The following MCF2 variants were observed in gnomAD, a reference collection of about 807,000 sequenced individuals.
The protein encoded by MCF2 is proto-oncogene DBL.
A neutral mutation model predicts 82.5 loss-of-function variants in MCF2; 44 were observed. That is an observed-to-expected ratio of 0.53 (90% CI 0.42 to 0.69). MCF2 has a LOEUF of 0.69. Among genes scored for constraint, MCF2 ranks in the 30% least tolerant of loss-of-function variants. The pLI, the probability that MCF2 is intolerant of heterozygous loss-of-function variation, is 0.00. For missense variants in MCF2, 623 were observed against 663.1 expected (o/e 0.94, Z 0.66); for synonymous variants, 217 against 224.9 (o/e 0.96, Z 0.32).
chrX:139,614,288 G>C (rs1931723911), intron 10 of MCF2, among the ~76,000 whole-genome samples: 1 of 111,555 alleles, frequency 9.0e-6, no homozygotes, highest in African/African-American at 3.2e-5. Context: ...CTCTGTAATA[G>C]TAAATTACCA....
At chrX:139,679,180 C>A (rs763726341) in intron 1 of MCF2, among the ~76,000 whole-genome samples, 1 of 112,324 alleles carries the variant, frequency 8.9e-6, no homozygotes, top group Non-Finnish European at 1.9e-5. Context: ...CATTTTACCA[C>A]GTGCTTACAG....
intron 1 of MCF2, among the ~76,000 whole-genome samples, chrX:139,662,536 A>G (rs1934384270): frequency 9.0e-6 from 1 of 111,475 alleles, no homozygotes; most frequent in African/African-American, 3.3e-5. Context: ...AATGGAATGG[A>G]GAGTCCAAAA....
At chrX:139,596,128 T>C (rs1044379468) in intron 19 of MCF2, among the ~76,000 whole-genome samples, 5 of 111,065 alleles carry the variant, frequency 4.5e-5, no homozygotes, top group Non-Finnish European at 9.5e-5. Context: ...CATTTTTAAA[T>C]TGCATTGAGG....
intron 11 of MCF2, 23 bp from the exon 16 acceptor site, chrX:139,607,802 TA>T (rs759129129): frequency 9.4e-7 from 1 of 1,059,343 alleles, no homozygotes; most frequent in Non-Finnish European, 1.3e-6. Context: ...AAATAAAAGT[TA>T]AATTAGCACC....
chrX:139,626,905 A>G (rs1196789711), intron 4 of MCF2, 149 bp from the exon 8 acceptor site: 1 of 480,073 alleles, frequency 2.1e-6, no homozygotes, highest in Non-Finnish European at 3.3e-6. Context: ...AAATTCACAA[A>G]ATTTCAAAAT....
intron 1 of MCF2, among the ~76,000 whole-genome samples, chrX:139,635,720 G>A (rs962298976): frequency 9.0e-6 from 1 of 111,266 alleles, no homozygotes; most frequent in Admixed American, 9.6e-5. Context: ...GAATATAAAG[G>A]CACTTCTAAA....
At chrX:139,629,581 C>T (rs1369906969) in intron 4 of MCF2, 114 bp downstream of exon 7, 2 of 673,252 alleles carry the variant, frequency 3.0e-6, no homozygotes, top group Non-Finnish European at 4.4e-6. Context: ...AAATATATTA[C>T]ATAAATGTCT....
At chrX:139,622,278 G>A (rs1162849837) in intron 6 of MCF2, among the ~76,000 whole-genome samples, 2 of 111,631 alleles carry the variant, frequency 1.8e-5, no homozygotes, top group Admixed American at 9.5e-5. Context: ...TTACATTATT[G>A]GTGGGACTGT....
intron 1 of MCF2, among the ~76,000 whole-genome samples, chrX:139,684,953 T>C (rs1348596206): frequency 9.0e-6 from 1 of 111,704 alleles, no homozygotes; most frequent in Non-Finnish European, 1.9e-5. Flanking sequence ...TTGAATTGCA[T>C]ACTTTAAGTA....
chrX:139,626,584 A>G (rs746880497), intron 5 of MCF2, 39 bp downstream of exon 8: 53 of 1,151,373 alleles, frequency 4.6e-5, no homozygotes, highest in Non-Finnish European at 6.0e-5. Context: ...TTTCAAAAAT[A>G]TAAAATAAGT....
At chrX:139,622,074 T>G (rs1454191183) in intron 6 of MCF2, among the ~76,000 whole-genome samples, 1 of 111,661 alleles carries the variant, frequency 9.0e-6, no homozygotes, top group Non-Finnish European at 1.9e-5. Flanking sequence ...GCGAAGGATA[T>G]GAACAGACAC....
At chrX:139,591,532 C>T (rs978681748) in intron 19 of MCF2, among the ~76,000 whole-genome samples, 11 of 110,977 alleles carry the variant, frequency 9.9e-5, no homozygotes, top group African/African-American at 3.6e-4. Flanking sequence ...ATCTGAAGGA[C>T]TCGAATCTCC....
At chrX:139,671,781 T>C (rs1393771436) in intron 1 of MCF2, among the ~76,000 whole-genome samples, 3 of 112,006 alleles carry the variant, frequency 2.7e-5, no homozygotes, top group African/African-American at 9.7e-5. Context: ...GGCTTAGGAT[T>C]GTCTAGGCAA....
At chrX:139,677,067 T>C (rs1445073647) in intron 1 of MCF2, among the ~76,000 whole-genome samples, 1 of 111,948 alleles carries the variant, frequency 8.9e-6, no homozygotes, top group Non-Finnish European at 1.9e-5. Flanking sequence ...GGCTCATGCA[T>C]GCACACTAAG....
intron 1 of MCF2, among the ~76,000 whole-genome samples, chrX:139,690,157 C>T (rs780807942): frequency 4.9e-4 from 54 of 110,640 alleles, no homozygotes; most frequent in African/African-American, 1.6e-3. Flanking sequence ...GGTGTTATGA[C>T]ACATTGTAAT....
intron 1 of MCF2, among the ~76,000 whole-genome samples, chrX:139,670,467 C>T (rs866372080): frequency 9.0e-6 from 1 of 110,566 alleles, no homozygotes; most frequent in Non-Finnish European, 1.9e-5. Flanking sequence ...CCCCCCTCCA[C>T]CCACCCCACC....
chrX:139,598,830 A>G (rs1603278269), intron 16 of MCF2, among the ~76,000 whole-genome samples: 1 of 112,015 alleles, frequency 8.9e-6, no homozygotes, highest in East Asian at 2.8e-4. Flanking sequence ...GTTCTTTAAT[A>G]TATTCAAGAA....
intron 21 of MCF2, among the ~76,000 whole-genome samples, 158 bp downstream of exon 25, chrX:139,588,202 T>G (rs1929155666): frequency 9.0e-6 from 1 of 111,554 alleles, no homozygotes; most frequent in African/African-American, 3.3e-5. Flanking sequence ...TAAACAATCC[T>G]CTGAATCTCA....
intron 20 of MCF2, among the ~76,000 whole-genome samples, chrX:139,588,929 CA>C (rs755726039): frequency 0.013 from 1,263 of 96,054 alleles, 12 homozygotes; most frequent in Admixed American, 0.05. Flanking sequence ...GACGCTGTCT[CA>C]AAAAAAAAAA....
Sources: gnomAD v4.1 joint callset for allele counts (sites outside exome capture counted in the v4.1 genomes callset) on GRCh38, gnomAD v4.1.1 for gene constraint, MANE v1.5 for transcripts, NCBI Gene and HGNC (gene_info 2026-07-23, HGNC 2026-07-21) for gene names.